The following MAP2K2 variants were observed in gnomAD, a reference collection of about 807,000 sequenced individuals.
MAP2K2 encodes dual specificity mitogen-activated protein kinase kinase 2.
In MAP2K2, 24 loss-of-function variants were observed where a neutral mutation model predicts 43.7. The observed-to-expected ratio is 0.55, with a 90% CI of 0.40 to 0.77. The LOEUF is 0.77. MAP2K2 is among the 30% of genes least tolerant of loss of function. The pLI, the probability that MAP2K2 is intolerant of heterozygous loss-of-function variation, is 0.00. For missense variants in MAP2K2, 470 were observed against 566.8 expected, an observed-to-expected ratio of 0.83 and a Z score of 1.73; for synonymous variants, 244 against 239.7, an observed-to-expected ratio of 1.02 and a Z score of -0.17.
rs773530227 is a variant in MAP2K2, at chr19:4,101,332, C to T, written c.529-52G>A. The T allele has an allele frequency of 8.4e-6, 13 of 1,543,800 alleles. No individual in the cohort carries two copies. The Admixed American group carries it at 2.3e-4, about 28-fold the overall frequency. ...GGGACAAGGCCACCAGGGCTTAGCT[C>T]CTGACCGAGCCCGGGGGTCAGAGCT... On this transcript the variant is annotated intron_variant, in intron 4 of 10. Coordinates refer to ENST00000262948, the MANE Select transcript of MAP2K2 (RefSeq NM_030662.4). This position sits in a 1 kb window ranked among gnomAD's most constrained non-coding sequence, Gnocchi z 6.3.
chr19:4,102,518 C>T, intron 3 of MAP2K2, 65 bp from the exon 4 acceptor site: 2 of 1,245,574 alleles, frequency 1.6e-6, no homozygotes, highest in Non-Finnish European at 1.1e-6. Context: ...CGGATGCGTC[C>T]CCCCACTCCC....
chr19:4,094,809 G>A (rs1016992119), intron 9 of MAP2K2: 3 of 469,610 alleles, frequency 6.4e-6, no homozygotes, highest in African/African-American at 5.8e-5. Context: ...TAAAACCCCA[G>A]GCCCGGGGCA....
Position 4,101,516 on chromosome 19 carries a change from C to T in MAP2K2, c.529-236G>A, listed in dbSNP as rs116976210. On this transcript the variant is annotated intron_variant, in intron 4 of 10. Transcript: ENST00000262948. The surrounding 1 kb of genome is among the most constrained non-coding windows in gnomAD (Gnocchi z 6.3). ...CCGGTTCCCATGGCCGCAGTGCCGC[C>T]GATGCCACTACTGCCTTTGATTCAG... Among the ~76,000 whole-genome samples the T allele has an allele frequency of 2.9e-3, 440 of 152,304 alleles. 1 individual carries two copies. The highest frequency in any genetic ancestry group is 0.011 in the East Asian group (56 of 5,176).
rs748653844 is a variant in MAP2K2 at position 4,099,334 on chromosome 19, G to A, written c.786C>T (p.Val262=). ...SMGLSLVELA[V]GRYPIPPPDA... ...CGGGCGGGGGGATGGGGTACCTTCCGACGGCCAGCTCCACCAGGGACAGGC... is the reference window on the plus strand; with the variant it reads ...CGGGCGGGGGGATGGGGTACCTTCCAACGGCCAGCTCCACCAGGGACAGGC... The change falls in exon 7 of 11, where the codon GTC becomes GTT. Residue 262 remains valine (V), a synonymous_variant. Transcript: ENST00000262948. The A allele has an allele frequency of 1.1e-5, 18 of 1,610,316 alleles. No individual in the cohort carries two copies. The highest frequency in any genetic ancestry group is 8.8e-5 in the South Asian group (8 of 90,634).
chr19:4,121,878 T>G (rs2041301221), intron 1 of MAP2K2, among the ~76,000 whole-genome samples: 1 of 43,730 alleles, frequency 2.3e-5, no homozygotes, highest in Non-Finnish European at 4.3e-5. Flanking sequence ...CACCCCATCG[T>G]GACCCCCTAG....
At chr19:4,110,909 C>A (rs1283793745) in intron 2 of MAP2K2, among the ~76,000 whole-genome samples, 1 of 152,218 alleles carries the variant, frequency 6.6e-6, no homozygotes, top group Admixed American at 6.5e-5. Context: ...CAGGGCAGAA[C>A]AGGCCAACCC....
intron 3 of MAP2K2, chr19:4,104,736 G>A (rs1333057760): frequency 6.6e-6 from 1 of 152,284 alleles, no homozygotes; most frequent in Non-Finnish European, 1.5e-5. Flanking sequence ...TCTCCCCGGA[G>A]ATGAGGGCGG....
Position 4,117,514 on chromosome 19 carries a change from C to T in MAP2K2, c.208G>A (p.Asp70Asn), listed in dbSNP as rs1457644550. The change falls in exon 2 of 11, where the codon GAT becomes AAT. Residue 70 changes from aspartate (D) to asparagine (N), a missense_variant. Coordinates refer to ENST00000262948, the MANE Select transcript of MAP2K2 (RefSeq NM_030662.4). ...QKAKVGELKD[D>N]DFERISELGA... is the part of the protein sequence containing the mutation. ...AGCTCTGAGATCCTTTCGAAGTCAT[C>T]GTCTTTGAGTTCGCCGACCTTGGCT... 1.9e-6 allele frequency: 3 copies of T among 1,614,200 alleles called. No homozygotes were observed. Among genetic ancestry groups the T allele is most frequent in the South Asian group, 1.1e-5 (1 of 91,090 alleles).
At chr19:4,114,929 C>T (rs187670710) in intron 2 of MAP2K2, among the ~76,000 whole-genome samples, 23 of 151,578 alleles carry the variant, frequency 1.5e-4, no homozygotes, top group African/African-American at 5.6e-4. Context: ...GACTCTGTCT[C>T]AAAAAAATAA....
intron 3 of MAP2K2, among the ~76,000 whole-genome samples, chr19:4,105,086 T>G (rs1373749995): frequency 6.6e-6 from 1 of 151,672 alleles, no homozygotes; most frequent in East Asian, 1.9e-4. Context: ...CAGGATGTGG[T>G]GCAGGGGGTA....
At position 4,110,617 on chromosome 19, in the gene MAP2K2, C is replaced by G. The variant is rs1299789389; in HGVS notation, c.342G>C (p.Gln114His). 6.2e-7 allele frequency: 1 copy of G among 1,613,824 alleles called. No individual in the cohort carries two copies. Among genetic ancestry groups the G allele is most frequent in the Non-Finnish European group, 8.5e-7 (1 of 1,180,026 alleles). Residue 114 changes from glutamine (Q) to histidine (H), a missense_variant, in exon 3 of 11, where the codon CAG (glutamine) becomes CAC (histidine). This residue lies in a region of MAP2K2 where 200 missense variants were observed against 297.9 expected (regional missense o/e 0.67). Coordinates refer to ENST00000262948, the MANE Select transcript of MAP2K2 (RefSeq NM_030662.4). ...GCAGGACCTGCAGCTCGCGGATGAT[C>G]TGGTTCCGGATGGCCGGCTTGATCT... The part of the protein sequence containing the change: ...HLEIKPAIRN[Q>H]IIRELQVLHE...
rs188605297 is a variant in MAP2K2 at position 4,095,837 on chromosome 19, T to C, written c.985-388A>G. ...TTGCCCAGGCTGGAGTGCAATGGCGTGATCTTGGCTCACTGCAGCCTCCAC... is the reference window on the plus strand; with the variant it reads ...TTGCCCAGGCTGGAGTGCAATGGCGCGATCTTGGCTCACTGCAGCCTCCAC... On this transcript the variant is annotated intron_variant, in intron 8 of 10. Transcript: ENST00000262948. Among the ~76,000 whole-genome samples, 8 of 152,324 alleles carry C rather than the reference T, an allele frequency of 5.3e-5. No homozygotes were observed. The East Asian group carries it at 1.5e-3, about 29-fold the overall frequency.
At chr19:4,102,528 C>T (rs1017605789) in intron 3 of MAP2K2, 75 bp from the exon 4 acceptor site, 4 of 1,174,072 alleles carry the variant, frequency 3.4e-6, no homozygotes, top group Middle Eastern at 1.9e-4. Context: ...CCCCCACTCC[C>T]GGCGAGGGGG....
rs576030352 is a variant in MAP2K2, at chr19:4,094,669, C to T, written c.1047-171G>A. The T allele has an allele frequency of 2.9e-5, 19 of 656,196 alleles. 1 individual carries two copies. The highest frequency in any genetic ancestry group is 4.1e-4 in the Middle Eastern group (1 of 2,440). 40.6% of individuals were successfully genotyped at this position (656,196 alleles called of 1,614,324 possible). On this transcript the variant is annotated intron_variant, in intron 9 of 10. Coordinates refer to ENST00000262948, the MANE Select transcript of MAP2K2 (RefSeq NM_030662.4). ...CTCTGTTCTGCCTCCTGGCAGAGGA[C>T]GAGGGATCCACCTCTGCACTTTGGT... is the stretch of plus-strand genomic sequence containing the variant.
intron 3 of MAP2K2, 200 bp from the exon 4 acceptor site, chr19:4,102,653 G>A (rs60176724): frequency 3.1e-6 from 3 of 964,608 alleles, no homozygotes; most frequent in African/African-American, 1.6e-5. Context: ...CACAAGGTGG[G>A]GAAGGAACAG....
At position 4,123,812 on chromosome 19, in the gene MAP2K2, G is replaced by T. The variant is rs766829845; in HGVS notation, c.64C>A (p.Pro22Thr). ...GAGGCGCCCTCGCTGGTAGGGGATG[G>T]GCCCTCGGCGATGGTAGGGTTGATG... ...LTINPTIAEG[P>T]SPTSEGASEA... Residue 22 changes from proline (P) to threonine (T), a missense_variant, in exon 1 of 11, where the codon CCA becomes ACA. Pro to Thr is a conservative substitution (Grantham distance 38). Coordinates refer to ENST00000262948, the MANE Select transcript of MAP2K2 (RefSeq NM_030662.4). The T allele has an allele frequency of 6.4e-7, 1 of 1,566,418 alleles. No individual in the cohort carries two copies. Among genetic ancestry groups the T allele is most frequent in the Non-Finnish European group, 8.6e-7 (1 of 1,161,180 alleles).
At chr19:4,103,716 A>G (rs1364887000) in intron 3 of MAP2K2, among the ~76,000 whole-genome samples, 1 of 152,200 alleles carries the variant, frequency 6.6e-6, no homozygotes, top group African/African-American at 2.4e-5. Flanking sequence ...CTGCCCAGCT[A>G]GGCTTGGAGA....
chr19:4,110,807 T>A, intron 2 of MAP2K2, 152 bp from the exon 3 acceptor site: 1 of 767,442 alleles, frequency 1.3e-6, no homozygotes, highest in Non-Finnish European at 2.1e-6. Flanking sequence ...TGCCTAGAAG[T>A]GGACACATAC....
chr19:4,105,938 C>T (rs1466296736), intron 3 of MAP2K2, among the ~76,000 whole-genome samples: 1 of 152,122 alleles, frequency 6.6e-6, no homozygotes, highest in East Asian at 1.9e-4. Flanking sequence ...GCTGGGATCA[C>T]AGGAGTGAGC....
Sources: gnomAD v4.1 joint callset for allele counts (sites outside exome capture counted in the v4.1 genomes callset) on GRCh38, gnomAD v4.1.1 for gene constraint, gnomAD v4.1.1 regional missense constraint, Gnocchi (gnomAD v3.1) non-coding constraint, MANE v1.5 for transcripts, NCBI Gene and HGNC (gene_info 2026-07-23, HGNC 2026-07-21) for gene names.